Variants in CDH8 observed in about 807,000 individuals in gnomAD.
CDH8 encodes the protein cadherin-8.
Under a neutral mutation model 68.1 loss-of-function variants are expected in CDH8, and 17 were observed. That is an observed-to-expected ratio of 0.25 (90% CI 0.17 to 0.37). The LOEUF (loss-of-function observed/expected upper bound fraction) is 0.37. CDH8 is among the 10% of genes least tolerant of loss of function. The pLI, the probability that CDH8 is intolerant of heterozygous loss-of-function variation, is 1.00. For synonymous variants in CDH8, 372 were observed against 365.1 expected (o/e 1.02, Z -0.21); for missense variants, 763 against 999.3 (o/e 0.76, Z 3.19).
rs1242563629 is a variant in CDH8 at position 61,655,739 on chromosome 16, T to A, written c.1655-18A>T. ...GGAATTATCTGAAAAAAGTAAAAAT[T>A]ACAATAATTTGCATCATTTCAAAAT... is the stretch of plus-strand genomic sequence containing the variant. On this transcript the variant is annotated intron_variant, in intron 10 of 11. Transcript: ENST00000577390. The A allele has an allele frequency of 1.6e-5, 26 of 1,608,338 alleles. No homozygotes were observed. Among genetic ancestry groups the A allele is most frequent in the Admixed American group, 6.7e-5 (4 of 59,872 alleles).
At chr16:62,010,933 AACT>A in intron 2 of CDH8, among the ~76,000 whole-genome samples, 1 of 137,916 alleles carries the variant, frequency 7.3e-6, no homozygotes, top group Non-Finnish European at 1.6e-5. Flanking sequence ...ACAAGAGCGA[AACT>A]CCATTTCAAA....
intron 4 of CDH8, among the ~76,000 whole-genome samples, chr16:61,842,127 T>C (rs1962699430): frequency 1.3e-5 from 2 of 151,468 alleles, no homozygotes; most frequent in Admixed American, 1.3e-4. Context: ...CAGGATGGTC[T>C]CGATTTCCTG....
At chr16:61,706,416 G>C (rs1051437760) in intron 10 of CDH8, among the ~76,000 whole-genome samples, 5 of 151,986 alleles carry the variant, frequency 3.3e-5, no homozygotes, top group Non-Finnish European at 5.9e-5. Context: ...AGGAGATCGA[G>C]ACCATCCTGG....
chr16:61,996,547 T>C (rs1965807533), intron 2 of CDH8, among the ~76,000 whole-genome samples: 1 of 152,176 alleles, frequency 6.6e-6, no homozygotes, highest in Non-Finnish European at 1.5e-5. Context: ...TACGGCAGCT[T>C]TCATTCTAAA....
At chr16:61,879,866 T>C (rs892799007) in intron 3 of CDH8, among the ~76,000 whole-genome samples, 1 of 151,824 alleles carries the variant, frequency 6.6e-6, no homozygotes, top group African/African-American at 2.4e-5. Flanking sequence ...AATCAATCAA[T>C]TAATTGTATG....
At chr16:61,733,993 C>T (rs1245883310) in intron 8 of CDH8, among the ~76,000 whole-genome samples, 2 of 151,924 alleles carry the variant, frequency 1.3e-5, no homozygotes, top group Non-Finnish European at 2.9e-5. Context: ...TATCTACTCT[C>T]TGCCCTCATT....
At chr16:61,682,739 G>A (rs1321429042) in intron 10 of CDH8, among the ~76,000 whole-genome samples, 1 of 151,932 alleles carries the variant, frequency 6.6e-6, no homozygotes, top group Non-Finnish European at 1.5e-5. Context: ...AAGCCATGGA[G>A]CACTTGCAAT....
intron 1 of CDH8, among the ~76,000 whole-genome samples, chr16:62,034,669 G>C (rs777585837): frequency 2.6e-5 from 4 of 152,152 alleles, no homozygotes; most frequent in Non-Finnish European, 4.4e-5. Context: ...TTAGCAGCTC[G>C]GGCGCGCTAA....
intron 2 of CDH8, chr16:61,918,735 G>C (rs1964298732): frequency 6.4e-6 from 1 of 155,366 alleles, no homozygotes; most frequent in Non-Finnish European, 1.4e-5. Context: ...AGCGAGGCTG[G>C]GGGAGGGGCG....
At chr16:61,949,265 T>C (rs1392470788) in intron 2 of CDH8, among the ~76,000 whole-genome samples, 1 of 152,064 alleles carries the variant, frequency 6.6e-6, no homozygotes, top group East Asian at 1.9e-4. Flanking sequence ...CTTGGAGAAC[T>C]TTTCTGTCTA....
At chr16:61,952,933 G>A (rs2143595997) in intron 2 of CDH8, among the ~76,000 whole-genome samples, 1 of 152,240 alleles carries the variant, frequency 6.6e-6, no homozygotes, top group African/African-American at 2.4e-5. Flanking sequence ...TCCTGCTATT[G>A]TCTGTGTTTT....
At chr16:61,867,275 T>G (rs576362844) in intron 3 of CDH8, among the ~76,000 whole-genome samples, 2 of 152,186 alleles carry the variant, frequency 1.3e-5, no homozygotes, top group Non-Finnish European at 2.9e-5. Context: ...AATCTCCTAT[T>G]TGAGCCCTTC....
intron 3 of CDH8, among the ~76,000 whole-genome samples, chr16:61,883,102 T>C (rs1963607709): frequency 6.6e-6 from 1 of 152,174 alleles, no homozygotes; most frequent in Non-Finnish European, 1.5e-5. Context: ...CTGCCAGGCT[T>C]TGTGCTCCTT....
At position 61,649,128 on chromosome 16, in the gene CDH8, A is replaced by G. The variant is rs1389696198; in HGVS notation, c.*4480T>C. 1.3e-5 allele frequency: 2 copies of G among 152,072 alleles called. No individual in the cohort carries two copies. Among genetic ancestry groups the G allele is most frequent in the African/African-American group, 4.8e-5 (2 of 41,434 alleles). 9.4% of individuals were successfully genotyped at this position (152,072 alleles called of 1,614,324 possible). A position where few individuals can be genotyped will look rare whatever the true frequency, so the allele number is the denominator to read the frequency against. ...TATTTCCTGCAAAGTATATTCTACA[A>G]TTATTTTGTCCACAAAAAAATACAA... On this transcript the variant is annotated 3_prime_UTR_variant, in exon 12 of 12. Coordinates refer to ENST00000577390, the MANE Select transcript of CDH8 (RefSeq NM_001796.5).
chr16:61,740,764 T>C (rs1243328712), intron 8 of CDH8, among the ~76,000 whole-genome samples: 2 of 152,182 alleles, frequency 1.3e-5, no homozygotes, highest in Non-Finnish European at 2.9e-5. Context: ...TGTATGAATA[T>C]ACCACAATTA....
At chr16:62,017,475 GT>G (rs1901969088) in intron 2 of CDH8, among the ~76,000 whole-genome samples, 1 of 152,148 alleles carries the variant, frequency 6.6e-6, no homozygotes, top group African/African-American at 2.4e-5. Context: ...AAGCTCAGGA[GT>G]TTAAGATCAG....
intron 8 of CDH8, among the ~76,000 whole-genome samples, chr16:61,764,227 G>A (rs1208327382): frequency 6.6e-6 from 1 of 152,060 alleles, no homozygotes; most frequent in East Asian, 1.9e-4. Flanking sequence ...TAGCAAGTTG[G>A]TGGCCCAGTC....
chr16:61,733,895 C>G (rs556742943), intron 8 of CDH8, among the ~76,000 whole-genome samples: 1 of 152,056 alleles, frequency 6.6e-6, no homozygotes, highest in South Asian at 2.1e-4. Context: ...ATGAATACCT[C>G]AAAACATTCA....
intron 8 of CDH8, among the ~76,000 whole-genome samples, chr16:61,780,318 A>G (rs1177521106): frequency 6.6e-6 from 1 of 152,216 alleles, no homozygotes; most frequent in Non-Finnish European, 1.5e-5. Flanking sequence ...CTCATGTGAT[A>G]AGATGTGCCA....
Sources: allele counts gnomAD v4.1 joint callset (sites outside exome capture counted in the v4.1 genomes callset), GRCh38; gene constraint gnomAD v4.1.1; transcripts MANE v1.5; gene names NCBI Gene and HGNC (gene_info 2026-07-23, HGNC 2026-07-21).